The following RGS6 variants were observed in gnomAD, a reference collection of about 807,000 sequenced individuals.
RGS6 encodes the protein regulator of G-protein signaling 6.
In RGS6, 30 loss-of-function variants were observed where a neutral mutation model predicts 78.5. The ratio of observed to expected loss-of-function variants is 0.38; its 90% confidence interval spans 0.29 to 0.52. RGS6 has a LOEUF of 0.52. RGS6 is among the 20% of genes least tolerant of loss of function. RGS6 has a pLI of 0.85. For synonymous variants in RGS6, 206 were observed against 206.0 expected (o/e 1.00, Z 0.00); for missense variants, 495 against 609.7 (o/e 0.81, Z 1.98).
chr14:72,193,935 G>A (rs1287482811), intron 2 of RGS6, among the ~76,000 whole-genome samples: 1 of 152,130 alleles, frequency 6.6e-6, no homozygotes, highest in Non-Finnish European at 1.5e-5. Context: ...ATCTGTTCTG[G>A]AAGGACACTG....
the RGS6 span, among the ~76,000 whole-genome samples, chr14:71,911,862 C>T: frequency 6.6e-5 from 10 of 152,230 alleles, no homozygotes; most frequent in Admixed American, 3.9e-4. Context: ...CTGAACAGGT[C>T]GGCTAAGCAT....
intron 17 of RGS6, among the ~76,000 whole-genome samples, chr14:72,560,282 C>T (rs1375300555): frequency 1.3e-5 from 2 of 152,110 alleles, no homozygotes; most frequent in Non-Finnish European, 2.9e-5. Flanking sequence ...ATAAGTGGCA[C>T]CTAAAAGGAG....
At chr14:72,179,505 G>A (rs1345455808) in intron 2 of RGS6, among the ~76,000 whole-genome samples, 1 of 152,196 alleles carries the variant, frequency 6.6e-6, no homozygotes, top group Admixed American at 6.5e-5. Context: ...TAGCCGCATG[G>A]CAGGGACAGG....
At chr14:72,194,020 A>G (rs1380180707) in intron 2 of RGS6, among the ~76,000 whole-genome samples, 1 of 152,158 alleles carries the variant, frequency 6.6e-6, no homozygotes, top group Non-Finnish European at 1.5e-5. Context: ...TGTGCAATGA[A>G]TGGAGTTGAG....
intron 3 of RGS6, among the ~76,000 whole-genome samples, chr14:72,402,622 G>A (rs1270521498): frequency 1.3e-5 from 2 of 151,768 alleles, no homozygotes; most frequent in Admixed American, 6.6e-5. Context: ...TGACAAGGAT[G>A]CAAAAAAAAC....
the RGS6 span, among the ~76,000 whole-genome samples, chr14:71,894,911 C>T: frequency 4.9e-3 from 744 of 151,624 alleles, 14 homozygotes; most frequent in African/African-American, 0.017. Flanking sequence ...ATTACAGGCA[C>T]GAGCCACCAC....
chr14:72,069,171 C>T (rs1447551022), intron 2 of RGS6, among the ~76,000 whole-genome samples: 1 of 152,016 alleles, frequency 6.6e-6, no homozygotes, highest in Non-Finnish European at 1.5e-5. Flanking sequence ...TGGGGTTTCA[C>T]CACGTTGGCC....
At position 72,173,190 on chromosome 14, in the gene RGS6, C is replaced by T. The variant is rs541252736; in HGVS notation, c.85-178905C>T. 3.8e-3 allele frequency among the ~76,000 whole-genome samples: 576 copies of T among 151,886 alleles called. 2 individuals carry two copies. The highest frequency in any genetic ancestry group is 5.2e-3 in the Non-Finnish European group (351 of 67,964). ...GGGGACGTTTTTGGTGGTTATGCTT[C>T]GGGGAAGGGTGCTGCTAGCATCTAG... On this transcript the variant is annotated intron_variant, in intron 2 of 17. Coordinates refer to ENST00000553525, the MANE Select transcript of RGS6 (RefSeq NM_001204424.2).
chr14:72,482,941 G>A (rs1420027318), intron 12 of RGS6, among the ~76,000 whole-genome samples: 2 of 152,166 alleles, frequency 1.3e-5, no homozygotes, highest in Non-Finnish European at 2.9e-5. Context: ...TTTGTGAGGT[G>A]TGTTGTTCCC....
chr14:71,982,177 C>T (rs148215507), intron 2 of RGS6, among the ~76,000 whole-genome samples: 3,012 of 152,268 alleles, frequency 0.02, 101 homozygotes, highest in African/African-American at 0.067. Flanking sequence ...CTGACCTGCG[C>T]CCAGTGTCTG....
Position 72,562,892 on chromosome 14 carries a change from C to T in RGS6, c.*425C>T, listed in dbSNP as rs569434773. The stretch of plus-strand genomic sequence containing the variant: ...TCAAGAGGCATGAGTGGACCGAGAG[C>T]ACATCCAGCATTTGCATCACCTCCC... On this transcript the variant is annotated 3_prime_UTR_variant, in exon 18 of 18. Transcript: ENST00000553525. 605 of 770,186 alleles carry T rather than the reference C, an allele frequency of 7.9e-4. 1 individual carries two copies. The highest frequency in any genetic ancestry group is 1.1e-3 in the Non-Finnish European group (504 of 457,876). 47.7% of individuals were successfully genotyped at this position (770,186 alleles called of 1,614,324 possible).
intron 2 of RGS6, among the ~76,000 whole-genome samples, chr14:72,134,631 T>C (rs1403680756): frequency 6.6e-6 from 1 of 152,198 alleles, no homozygotes; most frequent in Non-Finnish European, 1.5e-5. Context: ...AGACTTATTA[T>C]GGGAATTGGC....
At chr14:72,578,898 T>C in the RGS6 span, among the ~76,000 whole-genome samples, 5 of 152,182 alleles carry the variant, frequency 3.3e-5, no homozygotes, top group African/African-American at 1.2e-4. Context: ...AGCTGTAACA[T>C]TATGATCATC....
chr14:72,237,228 A>G (rs1355936529), intron 2 of RGS6, among the ~76,000 whole-genome samples: 4 of 152,174 alleles, frequency 2.6e-5, no homozygotes, highest in Non-Finnish European at 5.9e-5. Context: ...TGAATATGCC[A>G]CAATTTTTAA....
At chr14:72,311,419 T>A (rs1297411224) in intron 2 of RGS6, among the ~76,000 whole-genome samples, 5 of 152,172 alleles carry the variant, frequency 3.3e-5, no homozygotes, top group Non-Finnish European at 7.3e-5. Context: ...ATAGTAAGAT[T>A]GTTAATGTTT....
At chr14:72,316,385 C>A (rs1214573266) in intron 2 of RGS6, among the ~76,000 whole-genome samples, 2 of 152,144 alleles carry the variant, frequency 1.3e-5, no homozygotes, top group East Asian at 3.8e-4. Flanking sequence ...ATCCCTCCCC[C>A]ATGCACCCAC....
intron 2 of RGS6, among the ~76,000 whole-genome samples, chr14:72,140,735 G>A (rs973543540): frequency 2.0e-5 from 3 of 152,200 alleles, no homozygotes; most frequent in Non-Finnish European, 4.4e-5. Flanking sequence ...GCCCCTTTCT[G>A]CAATGGCTAT....
chr14:71,938,153 G>C (rs1050306406), intron 1 of RGS6, among the ~76,000 whole-genome samples: 1 of 152,200 alleles, frequency 6.6e-6, no homozygotes, highest in Non-Finnish European at 1.5e-5. Flanking sequence ...TCACCCGTTG[G>C]TGAGCACTTA....
chr14:72,104,522 C>G (rs2153532294), intron 2 of RGS6, among the ~76,000 whole-genome samples: 1 of 152,210 alleles, frequency 6.6e-6, no homozygotes, highest in East Asian at 1.9e-4. Flanking sequence ...TTCAGAATTT[C>G]AAAATAGCAG....
Sources: gnomAD v4.1 joint callset for allele counts (sites outside exome capture counted in the v4.1 genomes callset) on GRCh38, gnomAD v4.1.1 for gene constraint, MANE v1.5 for transcripts, NCBI Gene and HGNC (gene_info 2026-07-23, HGNC 2026-07-21) for gene names.